The following CNTN5 variants were observed in gnomAD, a reference collection of about 807,000 sequenced individuals.
CNTN5 encodes contactin-5.
CNTN5 carries 77 observed loss-of-function variants against 129.1 expected under a neutral mutation model. The ratio of observed to expected loss-of-function variants is 0.60; its 90% CI spans 0.50 to 0.72. CNTN5 has a LOEUF of 0.72. CNTN5 is among the 30% of genes least tolerant of loss of function. CNTN5 has a pLI of 0.00. For missense variants in CNTN5, 1,478 were observed against 1,328.8 expected (o/e 1.11, Z -1.75); for synonymous variants, 509 against 465.6 (o/e 1.09, Z -1.20).
chr11:99,137,148 G>C (rs1859270233), intron 1 of CNTN5, among the ~76,000 whole-genome samples: 1 of 152,068 alleles, frequency 6.6e-6, no homozygotes, highest in Admixed American at 6.6e-5. Flanking sequence ...GAGTGATGTG[G>C]GAATGACCCT....
At chr11:99,706,419 A>C (rs986704357) in intron 3 of CNTN5, among the ~76,000 whole-genome samples, 1 of 151,582 alleles carries the variant, frequency 6.6e-6, no homozygotes, top group African/African-American at 2.4e-5. Context: ...ATAAGAATTA[A>C]AAATTCATAG....
chr11:100,311,445 T>G (rs1262483309), intron 21 of CNTN5, among the ~76,000 whole-genome samples: 3 of 148,864 alleles, frequency 2.0e-5, no homozygotes, highest in Non-Finnish European at 4.4e-5. Context: ...CAAGCAGGTC[T>G]TAAGTTAAGA....
At chr11:99,890,796 C>G (rs558735763) in intron 6 of CNTN5, among the ~76,000 whole-genome samples, 1 of 152,094 alleles carries the variant, frequency 6.6e-6, no homozygotes, top group Non-Finnish European at 1.5e-5. Context: ...CTGGCAAACA[C>G]AATCTCGACT....
intron 9 of CNTN5, among the ~76,000 whole-genome samples, chr11:100,008,405 G>T (rs984917048): frequency 6.6e-6 from 1 of 151,982 alleles, no homozygotes; most frequent in African/African-American, 2.4e-5. Context: ...TAATTCAGAG[G>T]TGTCAAAATA....
chr11:100,161,131 T>C (rs1947431116), intron 13 of CNTN5, among the ~76,000 whole-genome samples: 1 of 151,972 alleles, frequency 6.6e-6, no homozygotes, highest in African/African-American at 2.4e-5. Context: ...CCATTCATTT[T>C]TTTTAATTGT....
intron 1 of CNTN5, among the ~76,000 whole-genome samples, chr11:99,086,768 G>A (rs1295100835): frequency 6.6e-6 from 1 of 152,176 alleles, no homozygotes; most frequent in Non-Finnish European, 1.5e-5. Context: ...TCAAGGTGGA[G>A]TCTAATATGA....
intron 6 of CNTN5, among the ~76,000 whole-genome samples, chr11:99,846,577 C>G (rs1319766638): frequency 1.3e-5 from 2 of 151,702 alleles, no homozygotes; most frequent in African/African-American, 4.8e-5. Flanking sequence ...GACTAGGAAT[C>G]TTTATATTAA....
chr11:99,169,464 T>A (rs1861045672), intron 1 of CNTN5, among the ~76,000 whole-genome samples: 1 of 151,880 alleles, frequency 6.6e-6, no homozygotes, highest in Non-Finnish European at 1.5e-5. Context: ...TTTTGTGAGA[T>A]AACACTTTAA....
intron 21 of CNTN5, among the ~76,000 whole-genome samples, chr11:100,332,722 A>T (rs945801341): frequency 6.6e-6 from 1 of 152,206 alleles, no homozygotes; most frequent in African/African-American, 2.4e-5. Context: ...TAGACACAGA[A>T]AAAGCATTTG....
chr11:100,072,623 A>G (rs1390601555), intron 12 of CNTN5, among the ~76,000 whole-genome samples: 4 of 152,190 alleles, frequency 2.6e-5, no homozygotes, highest in African/African-American at 9.6e-5. Context: ...ATTTAAATTT[A>G]AATTCTCAAA....
intron 1 of CNTN5, among the ~76,000 whole-genome samples, chr11:99,131,027 C>G (rs1224894593): frequency 2.0e-5 from 3 of 151,576 alleles, no homozygotes; most frequent in Admixed American, 1.3e-4. Flanking sequence ...CTTTGGGAGG[C>G]TGAGGCAGGC....
rs1295839989 is a variant in CNTN5 at position 99,687,978 on chromosome 11, C to T, written c.56-131566C>T. Among the ~76,000 whole-genome samples, 5 of 152,078 alleles carry T rather than the reference C, an allele frequency of 3.3e-5. No individual in the cohort carries two copies. In the East Asian group the frequency reaches 9.6e-4, roughly 29 times the overall value. ...TTCTGAACTACAGCTTTGAATAATCCTCTGATTAGTTATTTTCCAGATTTC... is the reference window on the plus strand; with the variant it reads ...TTCTGAACTACAGCTTTGAATAATCTTCTGATTAGTTATTTTCCAGATTTC... On this transcript the variant is annotated intron_variant, in intron 3 of 24. Transcript: ENST00000524871.
chr11:99,773,782 C>T (rs1221204637), intron 3 of CNTN5, among the ~76,000 whole-genome samples: 2 of 152,002 alleles, frequency 1.3e-5, no homozygotes, highest in Middle Eastern at 3.2e-3. Context: ...GACCCTGAGT[C>T]GACCATTGGC....
chr11:99,940,086 G>A (rs1338215446), intron 7 of CNTN5, among the ~76,000 whole-genome samples: 2 of 152,060 alleles, frequency 1.3e-5, no homozygotes, highest in African/African-American at 4.8e-5. Context: ...GGAGCAGGGG[G>A]AGGAGCAGCA....
At chr11:99,023,898 C>T (rs563908346) in intron 1 of CNTN5, among the ~76,000 whole-genome samples, 9 of 152,130 alleles carry the variant, frequency 5.9e-5, no homozygotes, top group Middle Eastern at 3.4e-3. Flanking sequence ...ATCTCTCTTT[C>T]TTCTTTCTGA....
chr11:99,242,340 A>G (rs987496150), intron 1 of CNTN5, among the ~76,000 whole-genome samples: 6 of 152,090 alleles, frequency 3.9e-5, no homozygotes, highest in Non-Finnish European at 8.8e-5. Flanking sequence ...AAATTCTTAA[A>G]TCTGTTTTTT....
At chr11:99,558,620 C>G (rs1392036243) in intron 3 of CNTN5, among the ~76,000 whole-genome samples, 1 of 151,862 alleles carries the variant, frequency 6.6e-6, no homozygotes, top group Non-Finnish European at 1.5e-5. Context: ...GTTGTGGAAA[C>G]AAACACAAAA....
intron 2 of CNTN5, among the ~76,000 whole-genome samples, chr11:99,356,367 G>A (rs1938670375): frequency 6.6e-6 from 1 of 152,190 alleles, no homozygotes; most frequent in Non-Finnish European, 1.5e-5. Context: ...AACCAGGCAG[G>A]AGGAAAAGCA....
chr11:100,094,133 C>G (rs1400602483), intron 13 of CNTN5, among the ~76,000 whole-genome samples: 2 of 152,062 alleles, frequency 1.3e-5, no homozygotes, highest in East Asian at 3.9e-4. Flanking sequence ...TTAAAAAGCA[C>G]AATGGGAGCC....
Sources: allele counts gnomAD v4.1 joint callset (sites outside exome capture counted in the v4.1 genomes callset), GRCh38; gene constraint gnomAD v4.1.1; transcripts MANE v1.5; gene names NCBI Gene and HGNC (gene_info 2026-07-23, HGNC 2026-07-21).